Variants in ADAMTSL3 observed in about 807,000 individuals in gnomAD.
ADAMTSL3 encodes the protein ADAMTS like 3.
A neutral mutation model predicts 201.7 loss-of-function variants in ADAMTSL3; 128 were observed. That is an observed-to-expected ratio of 0.63 (90% confidence interval 0.55 to 0.73). ADAMTSL3 has a LOEUF of 0.73. Among genes scored for constraint, ADAMTSL3 ranks in the 30% least tolerant of loss-of-function variants. The pLI, the probability that ADAMTSL3 is intolerant of heterozygous loss-of-function variation, is 0.00. For synonymous variants in ADAMTSL3, 738 were observed against 748.4 expected (o/e 0.99, Z 0.23); for missense variants, 1,990 against 2,119.6 (o/e 0.94, Z 1.20).
At chr15:83,656,964 A>G (rs757162304) in intron 2 of ADAMTSL3, among the ~76,000 whole-genome samples, 74 of 152,332 alleles carry the variant, frequency 4.9e-4, no homozygotes, top group South Asian at 2.1e-4. Context: ...TGCACAAAGA[A>G]CTGGTCAGCA....
intron 3 of ADAMTSL3, among the ~76,000 whole-genome samples, chr15:83,762,397 A>G (rs2062822542): frequency 6.6e-6 from 1 of 152,168 alleles, no homozygotes; most frequent in African/African-American, 2.4e-5. Context: ...TGCTGCTATA[A>G]TGAAATACCT....
At chr15:83,808,896 C>T (rs1292390119) in intron 5 of ADAMTSL3, among the ~76,000 whole-genome samples, 1 of 146,670 alleles carries the variant, frequency 6.8e-6, no homozygotes, top group Admixed American at 6.8e-5. Flanking sequence ...ACCACATAAT[C>T]TCATTCATAC....
intron 16 of ADAMTSL3, among the ~76,000 whole-genome samples, chr15:83,916,687 T>C (rs2066038624): frequency 6.6e-6 from 1 of 152,156 alleles, no homozygotes; most frequent in Non-Finnish European, 1.5e-5. Flanking sequence ...GACTCATGCC[T>C]GTAATTCCAG....
intron 9 of ADAMTSL3, among the ~76,000 whole-genome samples, chr15:83,875,991 CTT>C (rs2065171025): frequency 2.0e-5 from 3 of 149,334 alleles, no homozygotes; most frequent in Admixed American, 6.6e-5. Context: ...CTCTTTTTTT[CTT>C]TTCTTTTCTT....
chr15:83,903,321 G>A (rs1276185238), intron 15 of ADAMTSL3, among the ~76,000 whole-genome samples: 1 of 147,808 alleles, frequency 6.8e-6, no homozygotes, highest in East Asian at 2.0e-4. Flanking sequence ...GTACAGTTCA[G>A]TGGCATTAAG....
chr15:83,930,192 G>A (rs2066331557), intron 17 of ADAMTSL3, among the ~76,000 whole-genome samples: 1 of 152,094 alleles, frequency 6.6e-6, no homozygotes, highest in Non-Finnish European at 1.5e-5. Context: ...GAAAGGTGTT[G>A]GACTTTATGA....
At chr15:84,030,300 AAAGCCACAGAGGAGGAGCTGCTT>A (rs900468442) in intron 27 of ADAMTSL3, among the ~76,000 whole-genome samples, 1 of 152,202 alleles carries the variant, frequency 6.6e-6, no homozygotes, top group Non-Finnish European at 1.5e-5. Flanking sequence ...TGTACCCTGC[AAAGCCACAGAGGAGGAGCTGCTT>A]AAGGCCATGG....
At chr15:83,811,122 G>A (rs1010981180) in intron 5 of ADAMTSL3, among the ~76,000 whole-genome samples, 10 of 152,074 alleles carry the variant, frequency 6.6e-5, no homozygotes, top group East Asian at 1.9e-4. Flanking sequence ...TAATTTCTCC[G>A]TCTCGAGGTC....
intron 28 of ADAMTSL3, among the ~76,000 whole-genome samples, chr15:84,034,542 C>A (rs2068469147): frequency 6.6e-6 from 1 of 152,148 alleles, no homozygotes; most frequent in Non-Finnish European, 1.5e-5. Context: ...CTATAGAATG[C>A]TGAGGACACA....
chr15:83,884,236 A>G (rs553264667), intron 9 of ADAMTSL3, among the ~76,000 whole-genome samples: 2 of 151,692 alleles, frequency 1.3e-5, no homozygotes, highest in Middle Eastern at 3.5e-3. Flanking sequence ...AAAATTGTAC[A>G]TATTTATAGT....
chr15:83,796,489 A>T (rs78480171), intron 4 of ADAMTSL3, among the ~76,000 whole-genome samples: 11 of 152,162 alleles, frequency 7.2e-5, no homozygotes, highest in Admixed American at 2.6e-4. Context: ...GAAGATTTAG[A>T]TGCTTACCTA....
chr15:83,687,411 G>A (rs1460953360), intron 2 of ADAMTSL3, among the ~76,000 whole-genome samples: 1 of 152,042 alleles, frequency 6.6e-6, no homozygotes, highest in African/African-American at 2.4e-5. Flanking sequence ...TCTCAATTCA[G>A]ACTAGCTGCA....
intron 2 of ADAMTSL3, among the ~76,000 whole-genome samples, chr15:83,672,765 G>A (rs900347506): frequency 1.3e-5 from 2 of 152,200 alleles, no homozygotes; most frequent in African/African-American, 4.8e-5. Context: ...CATTTGCAAC[G>A]TTGCTTCCTT....
intron 23 of ADAMTSL3, 137 bp downstream of exon 23, chr15:83,991,351 C>A: frequency 7.7e-7 from 1 of 1,293,430 alleles, no homozygotes; most frequent in Non-Finnish European, 1.1e-6. Flanking sequence ...GATTTTCCAG[C>A]ACACTGACAG....
chr15:83,667,309 A>G (rs1052625908), intron 2 of ADAMTSL3, among the ~76,000 whole-genome samples: 2 of 152,160 alleles, frequency 1.3e-5, no homozygotes, highest in Non-Finnish European at 2.9e-5. Context: ...TCCCTTCATT[A>G]TTACAGTTTT....
intron 3 of ADAMTSL3, chr15:83,739,931 A>G (rs2062428219): frequency 1.8e-6 from 1 of 565,898 alleles, no homozygotes; most frequent in African/African-American, 1.9e-5. Context: ...GCATCCTTCA[A>G]CACCTTCTTC....
Position 84,009,925 on chromosome 15 carries a change from C to T in ADAMTSL3, c.3974-4617C>T, listed in dbSNP as rs117348941. ...ACAGCACCGCTTACCAGCTTCTTAC[C>T]GTGGAGGAATAATGAATAAGCCAAT... On this transcript the variant is annotated intron_variant, in intron 23 of 29. Coordinates refer to ENST00000286744, the MANE Select transcript of ADAMTSL3 (RefSeq NM_207517.3). Among the ~76,000 whole-genome samples the T allele has an allele frequency of 2.0e-4, 30 of 152,306 alleles. 1 individual carries two copies. The highest frequency in any genetic ancestry group is 1.5e-3 in the East Asian group (8 of 5,184).
chr15:83,983,391 A>G (rs2067424453), intron 21 of ADAMTSL3, 47 bp downstream of exon 21: 1 of 1,255,772 alleles, frequency 8.0e-7, no homozygotes, highest in Admixed American at 2.7e-5. Flanking sequence ...TACCTTCTTA[A>G]TGGCTATTCC....
intron 4 of ADAMTSL3, among the ~76,000 whole-genome samples, chr15:83,794,370 GT>G (rs1818674983): frequency 6.6e-6 from 1 of 152,168 alleles, no homozygotes; most frequent in Admixed American, 6.5e-5. Context: ...GTTTATGCCA[GT>G]TTTACTCACA....
Sources: gnomAD v4.1 joint callset for allele counts (sites outside exome capture counted in the v4.1 genomes callset) on GRCh38, gnomAD v4.1.1 for gene constraint, MANE v1.5 for transcripts, NCBI Gene and HGNC (gene_info 2026-07-23, HGNC 2026-07-21) for gene names.